Variants in KIAA0825 observed in about 807,000 individuals in gnomAD.
The protein encoded by KIAA0825 is KIAA0825, also known as uncharacterized protein KIAA0825.
KIAA0825 carries 119 observed loss-of-function variants against 147.6 expected under a neutral mutation model. The ratio of observed to expected loss-of-function variants is 0.81; its 90% confidence interval spans 0.69 to 0.94. The LOEUF is 0.94. Ranked by LOEUF, KIAA0825 falls within the 40% of genes least tolerant of loss-of-function variation. The pLI, the probability that KIAA0825 is intolerant of heterozygous loss-of-function variation, is 0.00. For synonymous variants in KIAA0825, 470 were observed against 518.1 expected (o/e 0.91, Z 1.26); for missense variants, 1,381 against 1,472.7 (o/e 0.94, Z 1.02).
intron 1 of KIAA0825, chr5:94,615,407 T>C (rs1044385266): frequency 3.3e-5 from 5 of 152,206 alleles, no homozygotes; most frequent in Non-Finnish European, 5.9e-5. Flanking sequence ...GCTAGCAAAG[T>C]GGTTAAGATT....
At chr5:94,168,869 T>G (rs138800395) in intron 20 of KIAA0825, among the ~76,000 whole-genome samples, 1 of 152,244 alleles carries the variant, frequency 6.6e-6, no homozygotes, top group Non-Finnish European at 1.5e-5. Flanking sequence ...TCATGGACTA[T>G]GCTCTATAGA....
At chr5:94,160,658 CTGTA>C (rs1226863738) in intron 20 of KIAA0825, among the ~76,000 whole-genome samples, 1 of 147,270 alleles carries the variant, frequency 6.8e-6, no homozygotes, top group African/African-American at 2.5e-5. Context: ...TAAATATATA[CTGTA>C]TGTATGTATA....
In KIAA0825 at chr5:94,599,943, CA is replaced by C. The variant is rs140863710; in HGVS notation, c.-152-17361del. Among the ~76,000 whole-genome samples the C allele has an allele frequency of 1.6e-4, 24 of 151,026 alleles. No individual in the cohort carries two copies. In the East Asian group the frequency reaches 3.5e-3, roughly 22 times the overall value. ...TACTGTCATGTGTTGTCCACCCCCC[CA>C]AAAAAAAGGGGGGAACTAGTACAAC... is the stretch of plus-strand genomic sequence containing the variant. On this transcript the variant is annotated intron_variant, in intron 1 of 20. Transcript: ENST00000682413.
chr5:94,594,242 G>T (rs1420800747), intron 1 of KIAA0825: 2 of 606,724 alleles, frequency 3.3e-6, no homozygotes, highest in Non-Finnish European at 6.5e-6. Flanking sequence ...TTTGTCTTAT[G>T]GAACTAAATA....
At chr5:94,243,115 CA>C (rs1220082891) in intron 20 of KIAA0825, among the ~76,000 whole-genome samples, 1 of 152,198 alleles carries the variant, frequency 6.6e-6, no homozygotes, top group Non-Finnish European at 1.5e-5. Flanking sequence ...GAGATATTAT[CA>C]CCCCATGGGT....
At chr5:94,219,244 A>G (rs532477204) in intron 20 of KIAA0825, among the ~76,000 whole-genome samples, 2 of 152,218 alleles carry the variant, frequency 1.3e-5, no homozygotes, top group East Asian at 3.9e-4. Context: ...TTAGATTCTC[A>G]TAGGGAGTGT....
At chr5:94,442,891 G>A (rs1357428098) in intron 13 of KIAA0825, among the ~76,000 whole-genome samples, 2 of 152,190 alleles carry the variant, frequency 1.3e-5, no homozygotes, top group African/African-American at 2.4e-5. Context: ...ATCCCAAGGT[G>A]TGGATTTTAG....
intron 20 of KIAA0825, among the ~76,000 whole-genome samples, chr5:94,306,415 T>A (rs977560359): frequency 3.0e-4 from 46 of 151,972 alleles, no homozygotes; most frequent in African/African-American, 1.1e-3. Flanking sequence ...TTTAGTATAA[T>A]GAACTCCCTG....
At chr5:94,190,935 G>A (rs1189476387) in intron 20 of KIAA0825, among the ~76,000 whole-genome samples, 1 of 152,128 alleles carries the variant, frequency 6.6e-6, no homozygotes, top group African/African-American at 2.4e-5. Context: ...AGACATCTGA[G>A]TTAGTATGGG....
intron 3 of KIAA0825, among the ~76,000 whole-genome samples, chr5:94,532,800 A>G (rs1771089280): frequency 1.4e-5 from 2 of 147,742 alleles, no homozygotes; most frequent in South Asian, 2.1e-4. Flanking sequence ...CTCCCCAAGT[A>G]TTGAGATTAC....
intron 20 of KIAA0825, among the ~76,000 whole-genome samples, chr5:94,198,164 A>G (rs1277232984): frequency 6.6e-6 from 1 of 151,952 alleles, no homozygotes; most frequent in African/African-American, 2.4e-5. Context: ...TGTAATTTCT[A>G]TTGTAGAGAT....
intron 20 of KIAA0825, among the ~76,000 whole-genome samples, chr5:94,177,572 T>G (rs1023646138): frequency 3.3e-5 from 5 of 152,082 alleles, no homozygotes; most frequent in South Asian, 4.1e-4. Flanking sequence ...TGGAATGTAT[T>G]AATATTGGAG....
intron 20 of KIAA0825, among the ~76,000 whole-genome samples, chr5:94,215,256 A>G (rs1773092128): frequency 6.6e-6 from 1 of 152,230 alleles, no homozygotes. Flanking sequence ...GCAGAAGCTA[A>G]TGAAAGTAGT....
intron 20 of KIAA0825, among the ~76,000 whole-genome samples, chr5:94,347,209 G>T (rs1254604557): frequency 6.6e-6 from 1 of 152,148 alleles, no homozygotes; most frequent in Admixed American, 6.5e-5. Context: ...CCACATGATG[G>T]TCCTTCCCTA....
chr5:94,315,353 ATTAT>A (rs1157815070), intron 20 of KIAA0825, among the ~76,000 whole-genome samples: 2 of 151,488 alleles, frequency 1.3e-5, no homozygotes, highest in African/African-American at 4.8e-5. Context: ...AGGTAAACTT[ATTAT>A]TTTTTTTAAG....
chr5:94,372,166 C>T (rs190535683), intron 20 of KIAA0825, among the ~76,000 whole-genome samples: 1 of 152,226 alleles, frequency 6.6e-6, no homozygotes, highest in Non-Finnish European at 1.5e-5. Flanking sequence ...AAGGATATAG[C>T]CCCCCTCCTG....
At chr5:94,365,902 T>G (rs1351677837) in intron 20 of KIAA0825, among the ~76,000 whole-genome samples, 2 of 152,326 alleles carry the variant, frequency 1.3e-5, no homozygotes, top group Non-Finnish European at 2.9e-5. Flanking sequence ...AAATCACTAT[T>G]ATAAAATCTA....
At chr5:94,502,538 TAAAC>T (rs1765216221) in intron 5 of KIAA0825, among the ~76,000 whole-genome samples, 1 of 152,162 alleles carries the variant, frequency 6.6e-6, no homozygotes, top group Non-Finnish European at 1.5e-5. Flanking sequence ...TCTAAACTAT[TAAAC>T]AAAGTGTGAA....
At chr5:94,222,371 T>C (rs951188363) in intron 20 of KIAA0825, among the ~76,000 whole-genome samples, 3 of 152,170 alleles carry the variant, frequency 2.0e-5, no homozygotes, top group African/African-American at 7.2e-5. Context: ...GAGGATGGTA[T>C]AATGAAAGGA....
Sources: gnomAD v4.1 joint callset for allele counts (sites outside exome capture counted in the v4.1 genomes callset) on GRCh38, gnomAD v4.1.1 for gene constraint, MANE v1.5 for transcripts, NCBI Gene and HGNC (gene_info 2026-07-23, HGNC 2026-07-21) for gene names.